The following PRKN variants were observed in gnomAD, a reference collection of about 807,000 sequenced individuals.
The protein encoded by PRKN is parkin RBR E3 ubiquitin protein ligase.
In PRKN, 56 loss-of-function variants were observed where a neutral mutation model predicts 59.5. The observed-to-expected ratio is 0.94, with a 90% CI of 0.76 to 1.18. The LOEUF is 1.18. PRKN is among the 50% of genes most tolerant of loss of function. The pLI is 0.00. For missense variants in PRKN, 657 were observed against 596.4 expected, an observed-to-expected ratio of 1.10 and a Z score of -1.06; for synonymous variants, 250 against 222.1, an observed-to-expected ratio of 1.13 and a Z score of -1.12.
In PRKN at chr6:161,584,024, A is replaced by G. The variant is rs1039512741; in HGVS notation, c.872-14608T>C. Among the ~76,000 whole-genome samples the G allele has an allele frequency of 6.6e-6, 1 of 152,184 alleles. No individual in the cohort carries two copies. The highest frequency in any genetic ancestry group is 1.5e-5 in the Non-Finnish European group (1 of 68,040). On this transcript the variant is annotated intron_variant, in intron 7 of 11. Transcript: ENST00000366898. This position sits in a 1 kb window ranked among gnomAD's most constrained non-coding sequence, Gnocchi z 4.8. ...TTCAGAATTTGTCTACAAACTTAACACCACCAATCACAGTGAGGCCAATGT... is the reference window on the plus strand; with the variant it reads ...TTCAGAATTTGTCTACAAACTTAACGCCACCAATCACAGTGAGGCCAATGT...
chr6:161,752,154 G>A (rs866046570), intron 7 of PRKN, among the ~76,000 whole-genome samples: 3 of 151,050 alleles, frequency 2.0e-5, no homozygotes, highest in African/African-American at 2.4e-5. Context: ...GGTGGATCAC[G>A]AGGTCAAGAG....
At chr6:162,355,536 A>G (rs1446873093) in intron 2 of PRKN, among the ~76,000 whole-genome samples, 3 of 151,964 alleles carry the variant, frequency 2.0e-5, no homozygotes, top group African/African-American at 7.2e-5. Flanking sequence ...TCCTTCACCA[A>G]TTACTTCCCA....
intron 10 of PRKN, among the ~76,000 whole-genome samples, chr6:161,381,389 C>T (rs756792285): frequency 1.3e-5 from 2 of 152,160 alleles, no homozygotes; most frequent in Non-Finnish European, 2.9e-5. Context: ...GGCCACTCTC[C>T]CTCCCTCTCC....
intron 8 of PRKN, among the ~76,000 whole-genome samples, chr6:161,553,277 A>AT (rs966319303): frequency 5.9e-5 from 9 of 151,976 alleles, no homozygotes; most frequent in African/African-American, 9.7e-5. Flanking sequence ...CACCTGGATA[A>AT]TTTTTTTCCT....
At chr6:162,501,730 A>G (rs1211213726) in intron 1 of PRKN, among the ~76,000 whole-genome samples, 2 of 152,078 alleles carry the variant, frequency 1.3e-5, no homozygotes, top group African/African-American at 4.8e-5. Flanking sequence ...ACTGCAGGCC[A>G]TCTCAAAATG....
intron 6 of PRKN, among the ~76,000 whole-genome samples, chr6:161,812,854 G>T (rs1226287712): frequency 6.6e-6 from 1 of 152,146 alleles, no homozygotes; most frequent in Non-Finnish European, 1.5e-5. Flanking sequence ...TTTAAAAATT[G>T]AATATATGCT....
At chr6:162,161,069 G>A (rs968581359) in intron 4 of PRKN, among the ~76,000 whole-genome samples, 1 of 152,264 alleles carries the variant, frequency 6.6e-6, no homozygotes, top group East Asian at 1.9e-4. Context: ...TAATTTGAGA[G>A]TAGATACACT....
Position 161,526,141 on chromosome 6 carries a change from G to A in PRKN, c.1083+22713C>T, listed in dbSNP as rs538993075. Reference sequence around the variant, plus strand: ...CCAACCTTCCTAAAAAAAAAGGTCAGTCCCATAAATACTCTCATCACAGTC... The same window carrying A: ...CCAACCTTCCTAAAAAAAAAGGTCAATCCCATAAATACTCTCATCACAGTC... On this transcript the variant is annotated intron_variant, in intron 9 of 11. Coordinates refer to ENST00000366898, the MANE Select transcript of PRKN (RefSeq NM_004562.3). This position sits in a 1 kb window ranked among gnomAD's most constrained non-coding sequence, Gnocchi z 4.1. 2.0e-5 allele frequency among the ~76,000 whole-genome samples: 3 copies of A among 152,248 alleles called. No individual in the cohort carries two copies. In the Middle Eastern group the frequency reaches 0.01, roughly 518 times the overall value.
intron 7 of PRKN, among the ~76,000 whole-genome samples, chr6:161,695,056 T>C (rs1562614104): frequency 6.6e-6 from 1 of 152,260 alleles, no homozygotes; most frequent in South Asian, 2.1e-4. Context: ...AATCCCTGTG[T>C]AGTCACAGGC....
chr6:162,385,900 A>G (rs1364747088), intron 2 of PRKN, among the ~76,000 whole-genome samples: 1 of 152,166 alleles, frequency 6.6e-6, no homozygotes, highest in Admixed American at 6.5e-5. Flanking sequence ...AAGTTTTTCA[A>G]AAAGTAACTT....
At chr6:162,306,656 C>A (rs945869921) in intron 2 of PRKN, among the ~76,000 whole-genome samples, 1 of 152,174 alleles carries the variant, frequency 6.6e-6, no homozygotes, top group Non-Finnish European at 1.5e-5. Flanking sequence ...ATTTACTGAG[C>A]AACTACTATG....
intron 6 of PRKN, among the ~76,000 whole-genome samples, chr6:161,833,355 G>T (rs1792593727): frequency 6.6e-6 from 1 of 152,178 alleles, no homozygotes; most frequent in South Asian, 2.1e-4. Context: ...CTTCTGAAAG[G>T]CTCATTTTAA....
chr6:161,552,112 G>T lies in PRKN; in HGVS notation c.934-3109C>A, dbSNP rs1780041301. On this transcript the variant is annotated intron_variant, in intron 8 of 11. Transcript: ENST00000366898. This position sits in a 1 kb window ranked among gnomAD's most constrained non-coding sequence, Gnocchi z 4.9. Reference sequence around the variant, plus strand: ...AGGCCCTCCTGAGGTCAGAGATGATGAATTTAAAGGAAAACTCGTGAGCAG... The same window carrying T: ...AGGCCCTCCTGAGGTCAGAGATGATTAATTTAAAGGAAAACTCGTGAGCAG... Among the ~76,000 whole-genome samples, 1 of 152,194 alleles carries T rather than the reference G, an allele frequency of 6.6e-6. No homozygotes were observed. Among genetic ancestry groups the T allele is most frequent in the African/African-American group, 2.4e-5 (1 of 41,446 alleles).
chr6:161,815,780 A>C (rs2128214745), intron 6 of PRKN, among the ~76,000 whole-genome samples: 1 of 152,276 alleles, frequency 6.6e-6, no homozygotes, highest in East Asian at 1.9e-4. Context: ...TGTAGGGGGA[A>C]GACGGGGCAG....
chr6:162,715,841 T>C (rs1778699256), intron 1 of PRKN, among the ~76,000 whole-genome samples: 1 of 152,222 alleles, frequency 6.6e-6, no homozygotes. Flanking sequence ...CCTGCCATCT[T>C]GCTGGGGCCA....
At chr6:161,420,747 T>C (rs1788067132) in intron 9 of PRKN, among the ~76,000 whole-genome samples, 1 of 152,090 alleles carries the variant, frequency 6.6e-6, no homozygotes, top group Non-Finnish European at 1.5e-5. Context: ...TGGGCTCCAG[T>C]GATTTCCCCC....
intron 1 of PRKN, among the ~76,000 whole-genome samples, chr6:162,460,542 T>C (rs1376303959): frequency 6.6e-6 from 1 of 152,332 alleles, no homozygotes; most frequent in Admixed American, 6.5e-5. Context: ...TTAGTAAAAC[T>C]GTATCTCCTC....
intron 7 of PRKN, among the ~76,000 whole-genome samples, chr6:161,637,240 T>C (rs545013895): frequency 6.6e-6 from 1 of 152,334 alleles, no homozygotes; most frequent in South Asian, 2.1e-4. Flanking sequence ...ACCATGCTTC[T>C]GCACCGCCAC....
At position 161,516,185 on chromosome 6, in the gene PRKN, C is replaced by T. The variant is rs544934149; in HGVS notation, c.1083+32669G>A. Among the ~76,000 whole-genome samples the T allele has an allele frequency of 5.9e-4, 90 of 152,180 alleles. 1 individual carries two copies. The highest frequency in any genetic ancestry group is 3.4e-3 in the Middle Eastern group (1 of 294). On this transcript the variant is annotated intron_variant, in intron 9 of 11. Coordinates refer to ENST00000366898, the MANE Select transcript of PRKN (RefSeq NM_004562.3). ...AAAGTGGGCCAGGCGCAGTGGCTCA[C>T]GCCTGTAATCCCAGCACTTTGGGAG...
Sources: gnomAD v4.1 joint callset for allele counts (sites outside exome capture counted in the v4.1 genomes callset) on GRCh38, gnomAD v4.1.1 for gene constraint, Gnocchi (gnomAD v3.1) non-coding constraint, MANE v1.5 for transcripts, NCBI Gene and HGNC (gene_info 2026-07-23, HGNC 2026-07-21) for gene names.